Variants in ANKS3 observed in about 807,000 individuals in gnomAD.
ANKS3 encodes ankyrin repeat and sterile alpha motif domain containing 3, also known as ankyrin repeat and SAM domain-containing protein 3.
In ANKS3, 62 loss-of-function variants were observed where a neutral mutation model predicts 80.7. That is an observed-to-expected ratio of 0.77 (90% CI 0.63 to 0.95). The LOEUF (loss-of-function observed/expected upper bound fraction) is 0.95, where lower values mean the gene tolerates loss of function less well. Among genes scored for constraint, ANKS3 ranks in the 40% least tolerant of loss-of-function variants. ANKS3 has a pLI of 0.00. For synonymous variants in ANKS3, 489 were observed against 355.3 expected, an observed-to-expected ratio of 1.38 and a Z score of -4.23; for missense variants, 1,150 against 883.6, an observed-to-expected ratio of 1.30 and a Z score of -3.82.
chr16:4,697,464 A>C (rs1372845071), intron 15 of ANKS3, 48 bp from the exon 16 acceptor site: 2 of 1,443,824 alleles, frequency 1.4e-6, no homozygotes, highest in Admixed American at 4.1e-5. Context: ...CTGCGTCCCC[A>C]CAGGCCCTGC....
chr16:4,705,852 A>G (rs2080160189), intron 7 of ANKS3, among the ~76,000 whole-genome samples: 1 of 151,910 alleles, frequency 6.6e-6, no homozygotes, highest in South Asian at 2.1e-4. Flanking sequence ...AATAAGTAAA[A>G]CCCATCTCTT....
chr16:4,701,483 A>G lies in ANKS3; in HGVS notation c.1070T>C (p.Leu357Pro), dbSNP rs1225552557. 5 of 1,611,712 alleles carry G rather than the reference A, an allele frequency of 3.1e-6. No homozygotes were observed. The African/African-American group carries it at 4.0e-5, about 13-fold the overall frequency. ...PVQSSSSSEG[L>P]ARAQGLSSEA... Reference sequence around the variant, plus strand: ...GCTGCTGAGCCCCTGGGCTCTGGCCAGGCCCTCGCTGCTGCTGCTGCTCTG... The same window carrying G: ...GCTGCTGAGCCCCTGGGCTCTGGCCGGGCCCTCGCTGCTGCTGCTGCTCTG... Residue 357 changes from leucine to proline, a missense_variant, in exon 10 of 18, where the codon CTG becomes CCG. Transcript: ENST00000304283.
intron 6 of ANKS3, among the ~76,000 whole-genome samples, chr16:4,719,137 C>A (rs2080954808): frequency 6.6e-6 from 1 of 151,902 alleles, no homozygotes; most frequent in South Asian, 2.1e-4. Flanking sequence ...GAGTTTGAGA[C>A]CAGCCTAAGC....
chr16:4,721,051 A>G (rs1170029008), intron 6 of ANKS3, among the ~76,000 whole-genome samples: 1 of 150,826 alleles, frequency 6.6e-6, no homozygotes, highest in Non-Finnish European at 1.5e-5. Context: ...CACGCCTGTA[A>G]TCCCAGCACT....
chr16:4,705,880 A>C (rs2080161326), intron 7 of ANKS3, among the ~76,000 whole-genome samples: 1 of 152,084 alleles, frequency 6.6e-6, no homozygotes, highest in Non-Finnish European at 1.5e-5. Flanking sequence ...ATATATGGTA[A>C]TATAAGTCAC....
chr16:4,721,233 A>G (rs1418065896), intron 6 of ANKS3, among the ~76,000 whole-genome samples: 1 of 149,534 alleles, frequency 6.7e-6, no homozygotes, highest in Non-Finnish European at 1.5e-5. Flanking sequence ...TGAACCCGGA[A>G]GTCTGAGGTT....
At chr16:4,733,702 G>C (rs1275142219) in intron 1 of ANKS3, among the ~76,000 whole-genome samples, 1 of 152,178 alleles carries the variant, frequency 6.6e-6, no homozygotes, top group Non-Finnish European at 1.5e-5. Context: ...ATTACGAACT[G>C]CATGCCTGTA....
chr16:4,716,174 G>T (rs2142098083), intron 6 of ANKS3, among the ~76,000 whole-genome samples: 1 of 151,734 alleles, frequency 6.6e-6, no homozygotes, highest in Admixed American at 6.6e-5. Context: ...TGGCCAACAG[G>T]GTGAATCCTC....
chr16:4,718,737 C>T (rs532080410), intron 6 of ANKS3, among the ~76,000 whole-genome samples: 3 of 152,342 alleles, frequency 2.0e-5, no homozygotes, highest in African/African-American at 7.2e-5. Context: ...CACCTGCTGC[C>T]AGTCCTGCCC....
intron 9 of ANKS3, 61 bp from the exon 10 acceptor site, chr16:4,701,604 T>C (rs1402517901): frequency 2.7e-6 from 4 of 1,463,470 alleles, no homozygotes; most frequent in Non-Finnish European, 3.7e-6. Context: ...CGCATGGGCG[T>C]GCCCCGGGCT....
chr16:4,731,671 G>T (rs759322065), intron 1 of ANKS3, 92 bp from the exon 2 acceptor site: 1 of 714,576 alleles, frequency 1.4e-6, no homozygotes, highest in Non-Finnish European at 1.7e-6. Context: ...GAAAAAAATA[G>T]AAAGCAATTC....
At chr16:4,721,698 G>A (rs1451939081) in intron 6 of ANKS3, among the ~76,000 whole-genome samples, 1 of 150,884 alleles carries the variant, frequency 6.6e-6, no homozygotes, top group African/African-American at 2.4e-5. Context: ...GAGTGCAGTG[G>A]CAACATCTTG....
chr16:4,732,843 C>G lies in ANKS3; in HGVS notation c.-71+1095G>C, dbSNP rs376371603. Among the ~76,000 whole-genome samples the G allele has an allele frequency of 8.6e-5, 13 of 151,984 alleles. No individual in the cohort carries two copies. The South Asian group carries it at 2.5e-3, about 29-fold the overall frequency. On this transcript the variant is annotated intron_variant, in intron 1 of 17. Coordinates refer to ENST00000304283, the MANE Select transcript of ANKS3 (RefSeq NM_133450.4). ...GTATCTGTTACCTTTACAGTGAATCCTAAAGAAAATGTGGTACTTAGACAC... is the reference window on the plus strand; with the variant it reads ...GTATCTGTTACCTTTACAGTGAATCGTAAAGAAAATGTGGTACTTAGACAC...
intron 7 of ANKS3, among the ~76,000 whole-genome samples, chr16:4,712,232 G>A (rs769953996): frequency 2.6e-5 from 4 of 151,992 alleles, no homozygotes; most frequent in Non-Finnish European, 5.9e-5. Flanking sequence ...TTAGCTGGGT[G>A]TAGTGGTGCA....
At chr16:4,728,031 C>G (rs2081442077) in intron 3 of ANKS3, 2 of 152,140 alleles carry the variant, frequency 1.3e-5, no homozygotes, top group Admixed American at 1.3e-4. Context: ...GGATCTGTCC[C>G]TTTTACGGGA....
At chr16:4,723,039 G>C (rs1195286978) in intron 6 of ANKS3, among the ~76,000 whole-genome samples, 1 of 152,174 alleles carries the variant, frequency 6.6e-6, no homozygotes, top group Non-Finnish European at 1.5e-5. Context: ...CATCAGGACT[G>C]GTGAGGACAA....
intron 5 of ANKS3, among the ~76,000 whole-genome samples, chr16:4,725,869 A>G (rs1020884025): frequency 2.0e-5 from 3 of 151,886 alleles, no homozygotes; most frequent in Non-Finnish European, 4.4e-5. Flanking sequence ...CATGTTGGCC[A>G]GACTGGTCTC....
intron 5 of ANKS3, among the ~76,000 whole-genome samples, chr16:4,725,618 A>G (rs570769929): frequency 1.6e-4 from 24 of 152,318 alleles, no homozygotes; most frequent in Non-Finnish European, 2.4e-4. Flanking sequence ...GACAAGCTTT[A>G]GACAACAATC....
intron 8 of ANKS3, among the ~76,000 whole-genome samples, 163 bp from the exon 9 acceptor site, chr16:4,702,405 C>G (rs1033280801): frequency 6.6e-6 from 1 of 152,224 alleles, no homozygotes. Context: ...GGAAAAGATG[C>G]TCTGAGGGTC....
Sources: gnomAD v4.1 joint callset for allele counts (sites outside exome capture counted in the v4.1 genomes callset) on GRCh38, gnomAD v4.1.1 for gene constraint, MANE v1.5 for transcripts, NCBI Gene and HGNC (gene_info 2026-07-23, HGNC 2026-07-21) for gene names.